SLC14A2: variants seen among roughly 807,000 people sequenced by gnomAD.
SLC14A2 encodes the protein urea transporter 2.
In SLC14A2, 91 loss-of-function variants were observed where a neutral mutation model predicts 104.6. The observed-to-expected ratio is 0.87, with a 90% CI of 0.73 to 1.04. The LOEUF is 1.04. SLC14A2 is among the 50% of genes least tolerant of loss of function. The pLI, the probability that SLC14A2 is intolerant of heterozygous loss-of-function variation, is 0.00. For synonymous variants in SLC14A2, 476 were observed against 466.4 expected (o/e 1.02, Z -0.27); for missense variants, 1,189 against 1,156.0 (o/e 1.03, Z -0.41).
Position 45,265,965 on chromosome 18 carries a change from GTTAA to G in SLC14A2, c.-125+52779_-125+52782del, listed in dbSNP as rs753420569. ...TTCCACTAGGCAGAGACAAACAGTA[GTTAA>G]TTAAAGTATATCGTAGGTTAAAGTT... On this transcript the variant is annotated intron_variant, in intron 1 of 20. Transcript: ENST00000586448. Among the ~76,000 whole-genome samples the G allele has an allele frequency of 1.7e-4, 26 of 152,168 alleles. 1 individual carries two copies. The highest frequency in any genetic ancestry group is 1.3e-3 in the Admixed American group (20 of 15,282).
At chr18:45,634,865 C>G (rs926862273) in intron 5 of SLC14A2, 1 of 457,070 alleles carries the variant, frequency 2.2e-6, no homozygotes, top group Middle Eastern at 3.2e-4. Flanking sequence ...ATGCTGGAAG[C>G]ATCTGCTACA....
chr18:45,240,555 T>C (rs1426769228), intron 1 of SLC14A2, among the ~76,000 whole-genome samples: 1 of 152,138 alleles, frequency 6.6e-6, no homozygotes, highest in East Asian at 1.9e-4. Flanking sequence ...ACTGCTATTA[T>C]ACCCATTTTA....
chr18:45,617,146 G>A (rs2045086244), intron 1 of SLC14A2, among the ~76,000 whole-genome samples: 1 of 152,282 alleles, frequency 6.6e-6, no homozygotes, highest in Admixed American at 6.5e-5. Flanking sequence ...TCTCCTATGA[G>A]ATTCTTCCAA....
At chr18:45,265,658 TA>T (rs2084584842) in intron 1 of SLC14A2, among the ~76,000 whole-genome samples, 1 of 152,180 alleles carries the variant, frequency 6.6e-6, no homozygotes. Context: ...CCTGGACATT[TA>T]AAAACGGATG....
intron 2 of SLC14A2, among the ~76,000 whole-genome samples, chr18:45,488,975 C>CT (rs564536075): frequency 3.3e-5 from 5 of 152,158 alleles, no homozygotes; most frequent in Non-Finnish European, 7.3e-5. Flanking sequence ...GCTGCAAAGC[C>CT]TAAAGGACAT....
chr18:45,408,947 G>A (rs184816639), intron 1 of SLC14A2, among the ~76,000 whole-genome samples: 132 of 152,264 alleles, frequency 8.7e-4, no homozygotes, highest in African/African-American at 3.0e-3. Flanking sequence ...CACAACAGTC[G>A]TTTTATTAAC....
chr18:45,538,489 G>T (rs1336636299), intron 2 of SLC14A2, among the ~76,000 whole-genome samples: 1 of 152,194 alleles, frequency 6.6e-6, no homozygotes, highest in Non-Finnish European at 1.5e-5. Flanking sequence ...TCATCACCTG[G>T]TTGTTGGCAG....
chr18:45,417,121 G>A (rs972889772), intron 1 of SLC14A2, among the ~76,000 whole-genome samples: 7 of 152,170 alleles, frequency 4.6e-5, no homozygotes, highest in Non-Finnish European at 1.0e-4. Context: ...AAAAATATCA[G>A]GATTTTGGTT....
chr18:45,226,826 A>G (rs1480346304), intron 1 of SLC14A2, among the ~76,000 whole-genome samples: 4 of 152,124 alleles, frequency 2.6e-5, no homozygotes, highest in Non-Finnish European at 5.9e-5. Flanking sequence ...ATAAAATAAT[A>G]GTTTTGATTG....
chr18:45,303,402 C>T (rs568319330), intron 1 of SLC14A2, among the ~76,000 whole-genome samples: 6 of 152,304 alleles, frequency 3.9e-5, no homozygotes, highest in Admixed American at 2.0e-4. Flanking sequence ...GGTTACAGTT[C>T]GTCCACAAGG....
At chr18:45,600,710 C>T (rs1216828204) in intron 2 of SLC14A2, among the ~76,000 whole-genome samples, 1 of 152,122 alleles carries the variant, frequency 6.6e-6, no homozygotes, top group Non-Finnish European at 1.5e-5. Flanking sequence ...AACCATGAAC[C>T]AAGGGAGGCA....
intron 2 of SLC14A2, among the ~76,000 whole-genome samples, chr18:45,577,830 C>A (rs772634744): frequency 6.6e-6 from 1 of 152,170 alleles, no homozygotes; most frequent in African/African-American, 2.4e-5. Context: ...CTCTGCCCTA[C>A]AGGAATTTGC....
chr18:45,650,902 G>T (rs535267916), intron 10 of SLC14A2, among the ~76,000 whole-genome samples: 2 of 11,654 alleles, frequency 1.7e-4, no homozygotes, highest in Admixed American at 2.4e-3. Context: ...ACCATGCCCA[G>T]CTTTTTTTTT....
intron 1 of SLC14A2, among the ~76,000 whole-genome samples, chr18:45,317,194 A>G (rs766237353): frequency 3.3e-5 from 5 of 152,252 alleles, no homozygotes; most frequent in Non-Finnish European, 5.9e-5. Context: ...ACTGTAAGAT[A>G]CACATCCCCT....
intron 1 of SLC14A2, among the ~76,000 whole-genome samples, chr18:45,213,749 T>A (rs909136137): frequency 9.2e-5 from 14 of 152,204 alleles, no homozygotes; most frequent in Non-Finnish European, 2.1e-4. Flanking sequence ...AATGTTCCAA[T>A]GAAGTGACCA....
At chr18:45,433,217 T>A (rs2086544942) in intron 1 of SLC14A2, among the ~76,000 whole-genome samples, 1 of 152,064 alleles carries the variant, frequency 6.6e-6, no homozygotes, top group Non-Finnish European at 1.5e-5. Flanking sequence ...AGTTTTCCCA[T>A]GCATACAGTG....
chr18:45,189,788 T>A, the SLC14A2 span, among the ~76,000 whole-genome samples: 1 of 152,148 alleles, frequency 6.6e-6, no homozygotes, highest in Non-Finnish European at 1.5e-5. Context: ...GTTTAGGACC[T>A]TTGCTTGGGT....
chr18:45,257,725 T>A (rs1299089361), intron 1 of SLC14A2, among the ~76,000 whole-genome samples: 1 of 152,140 alleles, frequency 6.6e-6, no homozygotes, highest in African/African-American at 2.4e-5. Context: ...GGAGAAGGTA[T>A]AAAATCACTG....
chr18:45,465,092 G>A (rs2087115750), intron 1 of SLC14A2, among the ~76,000 whole-genome samples: 1 of 152,132 alleles, frequency 6.6e-6, no homozygotes, highest in Non-Finnish European at 1.5e-5. Context: ...ACAAGAGATG[G>A]TGGTCACACA....
Sources: gnomAD v4.1 joint callset for allele counts (sites outside exome capture counted in the v4.1 genomes callset) on GRCh38, gnomAD v4.1.1 for gene constraint, MANE v1.5 for transcripts, NCBI Gene and HGNC (gene_info 2026-07-23, HGNC 2026-07-21) for gene names.